SLC13A3: variants seen among roughly 807,000 people sequenced by gnomAD.
SLC13A3 encodes the protein Na(+)/dicarboxylate cotransporter 3.
A neutral mutation model predicts 59.0 loss-of-function variants in SLC13A3; 40 were observed. The observed-to-expected ratio is 0.68, with a 90% CI of 0.53 to 0.88. The LOEUF (loss-of-function observed/expected upper bound fraction) is 0.88, where lower values mean the gene tolerates loss of function less well. Among genes scored for constraint, SLC13A3 ranks in the 40% least tolerant of loss-of-function variants. SLC13A3 has a pLI of 0.00. For missense variants in SLC13A3, 699 were observed against 783.2 expected, an observed-to-expected ratio of 0.89 and a Z score of 1.28; for synonymous variants, 317 against 330.3, an observed-to-expected ratio of 0.96 and a Z score of 0.44.
chr20:46,642,101 G>T (rs1046597083), intron 1 of SLC13A3, among the ~76,000 whole-genome samples: 1 of 152,234 alleles, frequency 6.6e-6, no homozygotes, highest in African/African-American at 2.4e-5. Flanking sequence ...AGACCCTGCT[G>T]CTCCCCTGTG....
intron 1 of SLC13A3, among the ~76,000 whole-genome samples, chr20:46,656,748 A>G (rs1218769194): frequency 1.3e-5 from 2 of 151,836 alleles, no homozygotes; most frequent in Non-Finnish European, 2.9e-5. Flanking sequence ...AATTTCAGTG[A>G]TACAGATGTT....
intron 10 of SLC13A3, among the ~76,000 whole-genome samples, chr20:46,567,517 G>A (rs2061991327): frequency 6.6e-6 from 1 of 151,980 alleles, no homozygotes; most frequent in Admixed American, 6.6e-5. Context: ...AAAGCTCCCC[G>A]CAAATCAGCA....
chr20:46,588,216 C>A, intron 7 of SLC13A3, 53 bp from the exon 8 acceptor site: 3 of 1,108,294 alleles, frequency 2.7e-6, no homozygotes, highest in Non-Finnish European at 4.0e-6. Context: ...AGGCAGACCG[C>A]AGCAGGCACA....
rs1319186871 is a variant in SLC13A3 at position 46,566,785 on chromosome 20, A to G, written c.1333-395T>C. Among the ~76,000 whole-genome samples the G allele has an allele frequency of 5.3e-5, 8 of 150,764 alleles. No individual in the cohort carries two copies. In the East Asian group the frequency reaches 1.5e-3, roughly 29 times the overall value. ...CCCAAATCATAATAGTTACTTATAT[A>G]AAATATTCATTATTTTTATAATTAT... On this transcript the variant is annotated intron_variant, in intron 10 of 12. Transcript: ENST00000279027.
At chr20:46,643,392 A>G (rs1486053229) in intron 1 of SLC13A3, among the ~76,000 whole-genome samples, 1 of 152,136 alleles carries the variant, frequency 6.6e-6, no homozygotes, top group East Asian at 1.9e-4. Context: ...CTGAACGGAG[A>G]TCAATGAAGG....
At chr20:46,657,889 G>A (rs2063004470) in intron 1 of SLC13A3, among the ~76,000 whole-genome samples, 1 of 152,012 alleles carries the variant, frequency 6.6e-6, no homozygotes, top group African/African-American at 2.4e-5. Context: ...CATATCTCAA[G>A]GACAGCACGG....
intron 1 of SLC13A3, among the ~76,000 whole-genome samples, chr20:46,658,598 T>C (rs2063009152): frequency 6.6e-6 from 1 of 152,212 alleles, no homozygotes. Flanking sequence ...GGAGGACTGC[T>C]TGAGCCCAGG....
At chr20:46,613,038 G>A (rs141161166) in intron 2 of SLC13A3, among the ~76,000 whole-genome samples, 130 of 151,882 alleles carry the variant, frequency 8.6e-4, no homozygotes, top group Middle Eastern at 3.4e-3. Context: ...TATGAGGTGG[G>A]TGCCACTACA....
In SLC13A3 at chr20:46,651,430, T is replaced by C. The variant is rs1161685537; in HGVS notation, c.-9A>G. ...GCTGCCAGCGCCGCCATCAGCGCGA[T>C]CGCCTGGCGGTACGGGCCGGCCCGG... On this transcript the variant is annotated 5_prime_UTR_variant, in exon 1 of 13. Coordinates refer to ENST00000279027, the MANE Select transcript of SLC13A3 (RefSeq NM_022829.6). 3 of 1,462,974 alleles carry C rather than the reference T, an allele frequency of 2.1e-6. No homozygotes were observed. In the East Asian group the frequency reaches 8.9e-5, roughly 43 times the overall value. The allele number at this position is 1,462,974 out of a possible 1,614,324, so 90.6% of individuals were successfully genotyped here.
At chr20:46,600,698 T>C in intron 3 of SLC13A3, 2 of 372,638 alleles carry the variant, frequency 5.4e-6, no homozygotes, top group South Asian at 4.3e-5. Flanking sequence ...AAAGTATTTA[T>C]TGAGCACCTA....
At chr20:46,653,226 A>G (rs375330152), upstream of SLC13A3, among the ~76,000 whole-genome samples, 1 of 152,330 alleles carries the variant, frequency 6.6e-6, no homozygotes, top group East Asian at 1.9e-4. Context: ...TCTTAACTAT[A>G]TATCACCAAG....
intron 1 of SLC13A3, among the ~76,000 whole-genome samples, chr20:46,646,939 T>C (rs2062900774): frequency 6.6e-6 from 1 of 152,162 alleles, no homozygotes; most frequent in Non-Finnish European, 1.5e-5. Flanking sequence ...AGGACCATCT[T>C]CCTGGTCATC....
intron 8 of SLC13A3, among the ~76,000 whole-genome samples, chr20:46,587,040 A>T (rs1361468149): frequency 6.6e-6 from 1 of 152,252 alleles, no homozygotes; most frequent in East Asian, 1.9e-4. Flanking sequence ...AGCCATTTAA[A>T]AAATGTAAAA....
At chr20:46,599,424 C>T (rs533067052) in intron 4 of SLC13A3, among the ~76,000 whole-genome samples, 1 of 152,364 alleles carries the variant, frequency 6.6e-6, no homozygotes, top group Non-Finnish European at 1.5e-5. Flanking sequence ...CTCATTGTCT[C>T]ACACAGCCAG....
In SLC13A3 at chr20:46,588,131, C is replaced by T. The variant is rs745762361; in HGVS notation, c.1049G>A (p.Cys350Tyr). The T allele has an allele frequency of 6.2e-7, 1 of 1,612,788 alleles. No homozygotes were observed. Among genetic ancestry groups the T allele is most frequent in the Non-Finnish European group, 8.5e-7 (1 of 1,179,264 alleles). Residue 350 changes from cysteine to tyrosine, a missense_variant, in exon 8 of 13, where the codon TGC (cysteine) becomes TAC (tyrosine). By Grantham distance (194) the Cys-to-Tyr change is radical. Transcript: ENST00000279027. Reference protein sequence around the residue: ...FAEQAVFILFCMFAILLFTRD... With the variant: ...FAEQAVFILFYMFAILLFTRD... ...GGTGAAGAGGAGGATGGCAAACATG[C>T]AGAAAAGGATGAAAACAGCCTGTTC...
chr20:46,663,573 C>T (rs1281846010), intron 1 of SLC13A3, among the ~76,000 whole-genome samples: 2 of 152,106 alleles, frequency 1.3e-5, no homozygotes, highest in African/African-American at 2.4e-5. Context: ...CTTATTTATT[C>T]GTGAATAATA....
At chr20:46,598,639 A>G (rs1360432072) in intron 4 of SLC13A3, among the ~76,000 whole-genome samples, 1 of 152,186 alleles carries the variant, frequency 6.6e-6, no homozygotes, top group Non-Finnish European at 1.5e-5. Context: ...AAAGCCCCCA[A>G]ACATGGTGCC....
rs754812051 is a variant in SLC13A3 at position 46,566,336 on chromosome 20, G to A, written c.1387C>T (p.Pro463Ser). The A allele has an allele frequency of 9.3e-6, 15 of 1,612,448 alleles. No homozygotes were observed. The highest frequency in any genetic ancestry group is 1.7e-5 in the Admixed American group (1 of 59,956). ...GGQLHPLENV[P>S]PALAVLLITV... ...ATGAGCAGCACAGCCAGGGCGGGGG[G>A]CACATTCTCCAGGGGGTGCAGCTGC... Residue 463 changes from proline (P) to serine (S), a missense_variant, in exon 11 of 13, where the codon CCC becomes TCC. Pro to Ser is a moderately conservative substitution (Grantham distance 74). Transcript: ENST00000279027.
intron 9 of SLC13A3, among the ~76,000 whole-genome samples, chr20:46,579,948 C>T (rs1003671959): frequency 5.3e-5 from 8 of 151,946 alleles, no homozygotes; most frequent in Non-Finnish European, 1.2e-4. Context: ...TGCCTTGCCA[C>T]GAGACTGAGG....
Sources: gnomAD v4.1 joint callset for allele counts (sites outside exome capture counted in the v4.1 genomes callset) on GRCh38, gnomAD v4.1.1 for gene constraint, MANE v1.5 for transcripts, NCBI Gene and HGNC (gene_info 2026-07-23, HGNC 2026-07-21) for gene names.